Variants in PRICKLE2 observed in about 807,000 individuals in gnomAD.
PRICKLE2 encodes prickle planar cell polarity protein 2.
In PRICKLE2, 21 loss-of-function variants were observed where a neutral mutation model predicts 81.4. That is an observed-to-expected ratio of 0.26 (90% CI 0.18 to 0.37). The LOEUF is 0.37. Ranked by LOEUF, PRICKLE2 falls within the 10% of genes least tolerant of loss-of-function variation. The probability of loss-of-function intolerance (pLI) is 1.00; values close to 1 mark genes in which losing one functional copy is unlikely to be tolerated. For synonymous variants in PRICKLE2, 456 were observed against 421.5 expected (o/e 1.08, Z -1.00); for missense variants, 940 against 1,109.0 (o/e 0.85, Z 2.16).
At position 64,099,192 on chromosome 3, in the gene PRICKLE2, T is replaced by C; in HGVS notation, c.2394A>G (p.Pro798=). The change falls in exon 8 of 8, where the codon CCA becomes CCG. Residue 798 remains proline (P), a synonymous_variant. Transcript: ENST00000638394. The surrounding 1 kb of genome is among the most constrained non-coding windows in gnomAD (Gnocchi z 4.3). The part of the protein sequence containing the change: ...GYFLGEPIPQ[P]ARLRYVTSDE... ...CGCTTGTGACGTATCGCAGGCGCGC[T>C]GGCTGGGGGATGGGTTCTCCTAGGA... The C allele has an allele frequency of 6.2e-7, 1 of 1,614,222 alleles. No homozygotes were observed. Among genetic ancestry groups the C allele is most frequent in the East Asian group, 2.2e-5 (1 of 44,862 alleles).
At chr3:64,162,880 A>T in intron 3 of PRICKLE2, 136 bp downstream of exon 3, 1 of 774,342 alleles carries the variant, frequency 1.3e-6, no homozygotes, top group East Asian at 2.4e-5. Flanking sequence ...TTTTGGCCCT[A>T]ATTAAGGAAG....
intron 2 of PRICKLE2, among the ~76,000 whole-genome samples, chr3:64,164,730 C>G (rs1334915658): frequency 6.6e-6 from 1 of 152,184 alleles, no homozygotes; most frequent in Non-Finnish European, 1.5e-5. Flanking sequence ...CTATAGGCAG[C>G]TGGCAGAGAG....
chr3:64,189,889 G>C (rs1184398319), intron 2 of PRICKLE2, among the ~76,000 whole-genome samples: 3 of 152,210 alleles, frequency 2.0e-5, no homozygotes, highest in African/African-American at 4.8e-5. Flanking sequence ...ACCTGGGGCA[G>C]AAACATCAAG....
Position 64,099,783 on chromosome 3 carries a change from G to T in PRICKLE2, c.1803C>A (p.Ser601Arg). Residue 601 changes from serine (S) to arginine (R), a missense_variant, in exon 8 of 8, where the codon AGC becomes AGA. Physicochemically the swap from Ser to Arg is moderately radical, Grantham distance 110. Transcript: ENST00000638394. The surrounding 1 kb of genome is among the most constrained non-coding windows in gnomAD (Gnocchi z 4.3). The part of the protein sequence containing the change: ...GTLNSSMQFR[S>R]AESVRSLLSA... ...AGAGCAGGCTGCGAACTGACTCTGC[G>T]CTCCGGAACTGCATGGACGAGTTAA... The T allele has an allele frequency of 6.2e-7, 1 of 1,614,176 alleles. No individual in the cohort carries two copies. Among genetic ancestry groups the T allele is most frequent in the Non-Finnish European group, 8.5e-7 (1 of 1,180,022 alleles).
intron 7 of PRICKLE2, chr3:64,100,287 T>C: frequency 3.5e-6 from 1 of 289,224 alleles, no homozygotes; most frequent in South Asian, 4.2e-5. Context: ...ATTCTAATCA[T>C]GCACTATAAG....
intron 5 of PRICKLE2, among the ~76,000 whole-genome samples, chr3:64,155,290 C>A (rs1056249027): frequency 5.4e-5 from 8 of 148,346 alleles, no homozygotes; most frequent in African/African-American, 2.0e-4. Context: ...AGATGCTCAA[C>A]ATTATTAGCT....
At chr3:64,122,535 C>T (rs750920528) in intron 7 of PRICKLE2, among the ~76,000 whole-genome samples, 1 of 152,162 alleles carries the variant, frequency 6.6e-6, no homozygotes, top group Non-Finnish European at 1.5e-5. Flanking sequence ...GCTTTGAAGT[C>T]ATGTGGGTGT....
intron 1 of PRICKLE2, among the ~76,000 whole-genome samples, chr3:64,209,431 T>C (rs2078750162): frequency 6.6e-6 from 1 of 152,172 alleles, no homozygotes; most frequent in Non-Finnish European, 1.5e-5. Context: ...TATCCATAAA[T>C]ACATCCATAT....
At chr3:64,185,372 C>G (rs1306386476) in intron 2 of PRICKLE2, among the ~76,000 whole-genome samples, 2 of 152,194 alleles carry the variant, frequency 1.3e-5, no homozygotes, top group Non-Finnish European at 2.9e-5. Context: ...TAGAAAAAGT[C>G]AGTCCCCAAG....
intron 1 of PRICKLE2, among the ~76,000 whole-genome samples, chr3:64,216,841 G>T (rs2078878977): frequency 6.6e-6 from 1 of 152,226 alleles, no homozygotes; most frequent in Non-Finnish European, 1.5e-5. Context: ...TTCCTAATGA[G>T]GCAGGCACTT....
intron 1 of PRICKLE2, among the ~76,000 whole-genome samples, chr3:64,207,500 T>C (rs948818545): frequency 1.3e-4 from 20 of 152,280 alleles, no homozygotes; most frequent in Admixed American, 5.9e-4. Flanking sequence ...GATAAGACTC[T>C]GGCCGGTAAC....
At chr3:64,218,301 T>A (rs2078903333) in intron 1 of PRICKLE2, among the ~76,000 whole-genome samples, 3 of 152,218 alleles carry the variant, frequency 2.0e-5, no homozygotes, top group African/African-American at 7.2e-5. Context: ...TAAAACCTCA[T>A]CTGGGAAACA....
At chr3:64,148,604 G>C (rs748892444) in intron 6 of PRICKLE2, among the ~76,000 whole-genome samples, 9 of 152,170 alleles carry the variant, frequency 5.9e-5, no homozygotes, top group African/African-American at 2.2e-4. Flanking sequence ...GAACTCCTAA[G>C]TTTAACACCT....
intron 2 of PRICKLE2, among the ~76,000 whole-genome samples, chr3:64,165,897 T>C (rs1309471566): frequency 6.6e-6 from 1 of 151,750 alleles, no homozygotes; most frequent in Non-Finnish European, 1.5e-5. Flanking sequence ...GAAAAATACG[T>C]TGCAAGGAAT....
intron 1 of PRICKLE2, among the ~76,000 whole-genome samples, chr3:64,208,604 G>A (rs1228280066): frequency 6.6e-6 from 1 of 152,168 alleles, no homozygotes; most frequent in African/African-American, 2.4e-5. Flanking sequence ...CTTTGACTGA[G>A]GATGGCAGGT....
At chr3:64,157,756 G>A (rs1243046080) in intron 4 of PRICKLE2, among the ~76,000 whole-genome samples, 1 of 152,180 alleles carries the variant, frequency 6.6e-6, no homozygotes, top group Non-Finnish European at 1.5e-5. Context: ...ACCAGGAGTG[G>A]CTGGGGAGGG....
chr3:64,237,439 G>A (rs1395994032), intron 2 of PRICKLE2, among the ~76,000 whole-genome samples: 1 of 152,014 alleles, frequency 6.6e-6, no homozygotes, highest in African/African-American at 2.4e-5. Flanking sequence ...GGCCATCTCC[G>A]GCCGAACTCT....
intron 7 of PRICKLE2, among the ~76,000 whole-genome samples, chr3:64,122,878 C>T (rs1164307854): frequency 6.6e-6 from 1 of 152,168 alleles, no homozygotes; most frequent in East Asian, 1.9e-4. Context: ...ACCTGAGAAA[C>T]CCAACAGGAT....
At chr3:64,217,925 C>T (rs940944944) in intron 1 of PRICKLE2, among the ~76,000 whole-genome samples, 2 of 152,192 alleles carry the variant, frequency 1.3e-5, no homozygotes, top group African/African-American at 4.8e-5. Flanking sequence ...CAATCAACCT[C>T]TTCGGGCTTC....
Sources: gnomAD v4.1 joint callset for allele counts (sites outside exome capture counted in the v4.1 genomes callset) on GRCh38, gnomAD v4.1.1 for gene constraint, Gnocchi (gnomAD v3.1) non-coding constraint, MANE v1.5 for transcripts, NCBI Gene and HGNC (gene_info 2026-07-23, HGNC 2026-07-21) for gene names.